The following MAST2 variants were observed in gnomAD, a reference collection of about 807,000 sequenced individuals.
MAST2 encodes the protein microtubule-associated serine/threonine-protein kinase 2.
Under a neutral mutation model 147.4 loss-of-function variants are expected in MAST2, and 70 were observed. That is an observed-to-expected ratio of 0.47 (90% confidence interval 0.39 to 0.58). The LOEUF is 0.58. MAST2 is among the 20% of genes least tolerant of loss of function. The pLI, the probability that MAST2 is intolerant of heterozygous loss-of-function variation, is 0.00. For missense variants in MAST2, 2,080 were observed against 2,302.3 expected, an observed-to-expected ratio of 0.90 and a Z score of 1.98; for synonymous variants, 869 against 896.8, an observed-to-expected ratio of 0.97 and a Z score of 0.55.
At chr1:45,840,308 G>A (rs1345557803) in intron 3 of MAST2, among the ~76,000 whole-genome samples, 2 of 152,178 alleles carry the variant, frequency 1.3e-5, no homozygotes, top group African/African-American at 4.8e-5. Flanking sequence ...AAGTCATAAT[G>A]AATGTTCTTT....
chr1:45,955,798 G>A (rs1463295120), intron 4 of MAST2, among the ~76,000 whole-genome samples: 2 of 152,198 alleles, frequency 1.3e-5, no homozygotes, highest in African/African-American at 2.4e-5. Flanking sequence ...ACCATATAAT[G>A]CCTTGTAGGC....
chr1:45,964,201 T>G (rs1290022574), intron 5 of MAST2, among the ~76,000 whole-genome samples: 1 of 152,124 alleles, frequency 6.6e-6, no homozygotes. Context: ...TCTCTGCCAG[T>G]CTTTTGTATC....
chr1:45,916,897 G>A (rs1171609488), intron 4 of MAST2, among the ~76,000 whole-genome samples: 1 of 152,130 alleles, frequency 6.6e-6, no homozygotes. Context: ...TGACCAACAT[G>A]ATGAAACCCT....
intron 4 of MAST2, among the ~76,000 whole-genome samples, chr1:45,912,832 G>T (rs1373839842): frequency 1.3e-5 from 2 of 152,206 alleles, no homozygotes; most frequent in Admixed American, 1.3e-4. Context: ...AAGAGGGCAA[G>T]ACTTACAGTA....
chr1:45,909,883 GCTCCCTGCAACCTCCGC>G (rs1651401033), intron 4 of MAST2, among the ~76,000 whole-genome samples: 1 of 151,824 alleles, frequency 6.6e-6, no homozygotes, highest in South Asian at 2.1e-4. Context: ...TGCCGTCTCG[GCTCCCTGCAACCTCCGC>G]CTCCCGGGTT....
At chr1:46,030,813 T>C (rs1235933776) in intron 22 of MAST2, 52 bp downstream of exon 22, 1 of 1,511,798 alleles carries the variant, frequency 6.6e-7, no homozygotes, top group Admixed American at 2.4e-5. Flanking sequence ...CCCTGCATTG[T>C]CACAGATCAT....
chr1:45,870,107 A>C (rs978277947), intron 3 of MAST2, among the ~76,000 whole-genome samples: 1 of 152,080 alleles, frequency 6.6e-6, no homozygotes, highest in Non-Finnish European at 1.5e-5. Context: ...TAGTTTTAGT[A>C]GAGACAGGCT....
At chr1:45,905,257 A>C (rs542250660) in intron 4 of MAST2, among the ~76,000 whole-genome samples, 1 of 150,372 alleles carries the variant, frequency 6.7e-6, no homozygotes, top group African/African-American at 2.4e-5. Context: ...GCTCACTGCA[A>C]CCTCCACCTC....
chr1:45,895,300 A>G (rs993658016), intron 4 of MAST2, among the ~76,000 whole-genome samples: 2 of 152,116 alleles, frequency 1.3e-5, no homozygotes, highest in Admixed American at 6.5e-5. Context: ...TCATTCATGT[A>G]TAAGTTTTTT....
Position 45,857,757 on chromosome 1 carries a change from G to A in MAST2, c.469-24607G>A, listed in dbSNP as rs1287571050. 5.3e-5 allele frequency among the ~76,000 whole-genome samples: 8 copies of A among 150,484 alleles called. No individual in the cohort carries two copies. In the East Asian group the frequency reaches 1.2e-3, roughly 22 times the overall value. ...TAATGCTATCCCTCTCCCCTCCCCC[G>A]ACTCCATGACAGGCCCCAGTGTGTG... On this transcript the variant is annotated intron_variant, in intron 3 of 28. Coordinates refer to ENST00000361297, the MANE Select transcript of MAST2 (RefSeq NM_015112.3).
chr1:45,986,962 T>C (rs941754260), intron 5 of MAST2, among the ~76,000 whole-genome samples: 6 of 152,296 alleles, frequency 3.9e-5, no homozygotes, highest in African/African-American at 1.4e-4. Flanking sequence ...TACTTCTGTC[T>C]TATATGTTTG....
At chr1:45,817,724 C>A (rs1644499614) in intron 1 of MAST2, among the ~76,000 whole-genome samples, 1 of 151,898 alleles carries the variant, frequency 6.6e-6, no homozygotes, top group African/African-American at 2.4e-5. Flanking sequence ...CGACTCATAT[C>A]ATGAAAAGAT....
At chr1:46,009,558 G>A (rs965369354) in intron 9 of MAST2, among the ~76,000 whole-genome samples, 9 of 152,172 alleles carry the variant, frequency 5.9e-5, no homozygotes, top group African/African-American at 2.2e-4. Context: ...TCATTTTGAC[G>A]TATATGGTGT....
intron 3 of MAST2, among the ~76,000 whole-genome samples, chr1:45,843,986 T>C (rs1384972194): frequency 6.6e-6 from 1 of 152,220 alleles, no homozygotes; most frequent in Non-Finnish European, 1.5e-5. Flanking sequence ...TTAAGCATTT[T>C]TATCATCTCT....
chr1:45,897,269 A>G (rs886743641), intron 4 of MAST2, among the ~76,000 whole-genome samples: 2 of 152,170 alleles, frequency 1.3e-5, no homozygotes, highest in Admixed American at 6.6e-5. Flanking sequence ...CTAGTGAGCT[A>G]TTTTTACCAT....
intron 4 of MAST2, among the ~76,000 whole-genome samples, chr1:45,886,511 T>G (rs996242385): frequency 2.6e-5 from 4 of 152,216 alleles, no homozygotes; most frequent in East Asian, 3.9e-4. Flanking sequence ...TGTAGCTTCC[T>G]GAAACTAAAT....
rs560738730 is a variant in MAST2, at chr1:45,913,845, C to T, written c.500+31450C>T. On this transcript the variant is annotated intron_variant, in intron 4 of 28. Transcript: ENST00000361297. ...AGCCAGGAGAATGATGAAACGGAGG[C>T]AAGAGAGACTGGGAGCACCATGTCT... 2.9e-5 allele frequency: 36 copies of T among 1,231,500 alleles called. No homozygotes were observed. In the Middle Eastern group the frequency reaches 6.8e-4, roughly 23 times the overall value. The allele number at this position is 1,231,500 out of a possible 1,614,324, so 76.3% of individuals were successfully genotyped here. A position where few individuals can be genotyped will look rare whatever the true frequency, so the allele number is the denominator to read the frequency against.
intron 3 of MAST2, among the ~76,000 whole-genome samples, chr1:45,848,282 A>G (rs760259514): frequency 2.6e-5 from 4 of 152,232 alleles, no homozygotes; most frequent in Non-Finnish European, 5.9e-5. Flanking sequence ...AATGGTAAAC[A>G]GTTTCCTACA....
At chr1:46,034,387 C>T in intron 28 of MAST2, 121 bp downstream of exon 28, 1 of 1,356,452 alleles carries the variant, frequency 7.4e-7, no homozygotes, top group South Asian at 1.5e-5. Context: ...CTGAAAGATC[C>T]TGTAGTCTTG....
Sources: gnomAD v4.1 joint callset for allele counts (sites outside exome capture counted in the v4.1 genomes callset) on GRCh38, gnomAD v4.1.1 for gene constraint, MANE v1.5 for transcripts, NCBI Gene and HGNC (gene_info 2026-07-23, HGNC 2026-07-21) for gene names.